APBB2: variants seen among roughly 807,000 people sequenced by gnomAD.
APBB2 encodes the protein amyloid beta precursor protein binding family B member 2.
Under a neutral mutation model 82.5 loss-of-function variants are expected in APBB2, and 38 were observed. The observed-to-expected ratio is 0.46, with a 90% CI of 0.36 to 0.60. The LOEUF (loss-of-function observed/expected upper bound fraction) is 0.60, where lower values mean the gene tolerates loss of function less well. Among genes scored for constraint, APBB2 ranks in the 20% least tolerant of loss-of-function variants. APBB2 has a pLI of 0.00. For missense variants in APBB2, 772 were observed against 972.3 expected (o/e 0.79, Z 2.74); for synonymous variants, 341 against 368.2 (o/e 0.93, Z 0.85).
rs1311941295 is a variant in APBB2, at chr4:40,812,102, G to GTGAT, written c.*3986_*3989dup. The GTGAT allele has an allele frequency of 1.3e-5, 2 of 152,172 alleles. No homozygotes were observed. Among genetic ancestry groups the GTGAT allele is most frequent in the African/African-American group, 2.4e-5 (1 of 41,434 alleles). The allele number at this position is 152,172 out of a possible 1,614,324, so 9.4% of individuals were successfully genotyped here. On this transcript the variant is annotated 3_prime_UTR_variant, in exon 18 of 18. Transcript: ENST00000508593. ...TTCCTGATCACCAAATAAGTACAGG[G>GTGAT]TGATTACTCAAAATTTGAAGTTACT...
At chr4:41,129,352 A>G (rs531864385) in intron 2 of APBB2, among the ~76,000 whole-genome samples, 2 of 152,038 alleles carry the variant, frequency 1.3e-5, no homozygotes, top group Non-Finnish European at 2.9e-5. Context: ...TCCTGACTAC[A>G]CAGATGGCAC....
At chr4:41,129,848 G>C (rs1170279662) in intron 2 of APBB2, among the ~76,000 whole-genome samples, 1 of 151,854 alleles carries the variant, frequency 6.6e-6, no homozygotes, top group Non-Finnish European at 1.5e-5. Flanking sequence ...CCAGTGAGAA[G>C]AGAGAGACAA....
rs968373935 is a variant in APBB2 at position 41,214,520 on chromosome 4, GA to G, written c.-533del. Reference sequence around the variant, plus strand: ...TACAGCGCACTAGCTTCCTACTTGAGACCAGAACGGGCTCCGGCAACTGAGC... The same window carrying G: ...TACAGCGCACTAGCTTCCTACTTGAGCCAGAACGGGCTCCGGCAACTGAGC... On this transcript the variant is annotated 5_prime_UTR_variant, in exon 1 of 18. Transcript: ENST00000508593. 4.6e-5 allele frequency: 7 copies of G among 152,334 alleles called. No homozygotes were observed. The highest frequency in any genetic ancestry group is 7.3e-5 in the Non-Finnish European group (5 of 68,124). The allele number at this position is 152,334 out of a possible 1,614,324, so 9.4% of individuals were successfully genotyped here. A position where few individuals can be genotyped will look rare whatever the true frequency, so the allele number is the denominator to read the frequency against.
At chr4:40,914,389 CA>C (rs1006561742) in intron 10 of APBB2, among the ~76,000 whole-genome samples, 4 of 151,378 alleles carry the variant, frequency 2.6e-5, no homozygotes, top group African/African-American at 9.7e-5. Context: ...ATCAAAAAAA[CA>C]AAAAAATAAA....
intron 10 of APBB2, among the ~76,000 whole-genome samples, chr4:40,915,856 A>T (rs544032239): frequency 1.3e-5 from 2 of 152,194 alleles, no homozygotes; most frequent in South Asian, 2.1e-4. Flanking sequence ...TCATTTCACG[A>T]ATGAGTAAAT....
chr4:41,023,842 A>G (rs1712784350), intron 5 of APBB2, among the ~76,000 whole-genome samples: 1 of 152,210 alleles, frequency 6.6e-6, no homozygotes, highest in African/African-American at 2.4e-5. Flanking sequence ...CAAAATTCAT[A>G]TGGAACCAAA....
chr4:40,940,634 T>C (rs1241510437), intron 7 of APBB2, among the ~76,000 whole-genome samples: 1 of 152,194 alleles, frequency 6.6e-6, no homozygotes, highest in East Asian at 1.9e-4. Flanking sequence ...TAGGCTCTCA[T>C]GACGCCCGTG....
At chr4:40,859,406 T>G (rs1475423367) in intron 12 of APBB2, among the ~76,000 whole-genome samples, 1 of 151,972 alleles carries the variant, frequency 6.6e-6, no homozygotes, top group African/African-American at 2.4e-5. Flanking sequence ...GGTTTTGCCA[T>G]GTTGGCCAGG....
rs970894566 is a variant in APBB2 at position 41,106,537 on chromosome 4, C to T, written c.-260-5787G>A. Among the ~76,000 whole-genome samples, 5 of 152,110 alleles carry T rather than the reference C, an allele frequency of 3.3e-5. No homozygotes were observed. In the South Asian group the frequency reaches 6.2e-4, roughly 19 times the overall value. On this transcript the variant is annotated intron_variant, in intron 2 of 17. Coordinates refer to ENST00000508593, the MANE Select transcript of APBB2 (RefSeq NM_004307.2). ...TGTTGCCCAGGCTGGAGTACAGTGG[C>T]GCTACCTCAGCTCACTGCAAGCTCC...
chr4:40,889,521 A>G (rs1771359582), intron 12 of APBB2, among the ~76,000 whole-genome samples: 1 of 152,242 alleles, frequency 6.6e-6, no homozygotes, highest in Non-Finnish European at 1.5e-5. Flanking sequence ...CAAAGCAATA[A>G]CAAGCTATCA....
At chr4:41,208,357 G>T (rs938422820) in intron 1 of APBB2, among the ~76,000 whole-genome samples, 3 of 152,182 alleles carry the variant, frequency 2.0e-5, no homozygotes, top group African/African-American at 7.2e-5. Context: ...CACCTCCTGG[G>T]TTCAAGCGAT....
intron 4 of APBB2, among the ~76,000 whole-genome samples, chr4:41,038,213 GATAA>G (rs5857768): frequency 0.046 from 6,937 of 150,068 alleles, 333 homozygotes; most frequent in African/African-American, 0.13. Flanking sequence ...TAAGCAAACA[GATAA>G]ATAAATAAAT....
At chr4:41,123,316 G>C (rs1361116418) in intron 2 of APBB2, among the ~76,000 whole-genome samples, 1 of 152,120 alleles carries the variant, frequency 6.6e-6, no homozygotes, top group Non-Finnish European at 1.5e-5. Flanking sequence ...CGGTCAGAGA[G>C]GGAAAAGAAA....
chr4:41,170,097 G>A (rs1351096657), intron 1 of APBB2, among the ~76,000 whole-genome samples: 2 of 152,216 alleles, frequency 1.3e-5, no homozygotes, highest in Non-Finnish European at 2.9e-5. Context: ...GTCTTACCAA[G>A]ATGGCACAGT....
intron 6 of APBB2, among the ~76,000 whole-genome samples, chr4:40,974,548 A>AATT (rs3058173): frequency 0.012 from 1,813 of 152,332 alleles, 40 homozygotes; most frequent in African/African-American, 0.042. Context: ...CAGAGACTAA[A>AATT]AGAACAGAAG....
At chr4:41,144,307 C>A (rs1760080731) in intron 1 of APBB2, among the ~76,000 whole-genome samples, 1 of 152,046 alleles carries the variant, frequency 6.6e-6, no homozygotes, top group South Asian at 2.1e-4. Flanking sequence ...AAAGGAACAG[C>A]AGAAAAAAAG....
intron 12 of APBB2, among the ~76,000 whole-genome samples, chr4:40,838,032 C>T (rs1754555033): frequency 6.6e-6 from 1 of 151,890 alleles, no homozygotes; most frequent in Admixed American, 6.6e-5. Context: ...TATAAAGGAC[C>T]AAAGATTGCT....
chr4:40,918,289 A>G (rs1780334534), intron 10 of APBB2, among the ~76,000 whole-genome samples: 1 of 152,200 alleles, frequency 6.6e-6, no homozygotes, highest in Non-Finnish European at 1.5e-5. Context: ...TCTTTCAAAG[A>G]GAGAGGCCCA....
chr4:41,011,143 TTA>T (rs200042076), intron 6 of APBB2, among the ~76,000 whole-genome samples: 1,806 of 150,286 alleles, frequency 0.012, 41 homozygotes, highest in African/African-American at 0.043. Context: ...AAATTGATTA[TTA>T]TTGTTTTTTT....
Sources: allele counts gnomAD v4.1 joint callset (sites outside exome capture counted in the v4.1 genomes callset), GRCh38; gene constraint gnomAD v4.1.1; transcripts MANE v1.5; gene names NCBI Gene and HGNC (gene_info 2026-07-23, HGNC 2026-07-21).